Variants in STXBP5L observed in about 807,000 individuals in gnomAD.
The protein encoded by STXBP5L is syntaxin binding protein 5L, also known as syntaxin-binding protein 5-like.
STXBP5L carries 65 observed loss-of-function variants against 144.5 expected under a neutral mutation model. The ratio of observed to expected loss-of-function variants is 0.45; its 90% CI spans 0.37 to 0.55. The LOEUF is 0.55. Among genes scored for constraint, STXBP5L ranks in the 20% least tolerant of loss-of-function variants. The pLI, the probability that STXBP5L is intolerant of heterozygous loss-of-function variation, is 0.00. For missense variants in STXBP5L, 1,298 were observed against 1,405.5 expected (o/e 0.92, Z 1.22); for synonymous variants, 505 against 469.6 (o/e 1.08, Z -0.97).
At chr3:120,980,892 G>A (rs942685654) in intron 3 of STXBP5L, among the ~76,000 whole-genome samples, 5 of 152,044 alleles carry the variant, frequency 3.3e-5, no homozygotes, top group African/African-American at 1.2e-4. Context: ...TGTATAGCTG[G>A]TCTAGTAGTG....
At chr3:121,049,298 C>A (rs1019774461) in intron 5 of STXBP5L, among the ~76,000 whole-genome samples, 1 of 152,148 alleles carries the variant, frequency 6.6e-6, no homozygotes, top group Non-Finnish European at 1.5e-5. Flanking sequence ...GCCTTTCCCA[C>A]TGAGAGCTCT....
In STXBP5L at chr3:120,975,639, C is replaced by T. The variant is rs1940892703; in HGVS notation, c.287+20602C>T. Among the ~76,000 whole-genome samples the T allele has an allele frequency of 2.6e-5, 4 of 152,278 alleles. No homozygotes were observed. In the South Asian group the frequency reaches 8.3e-4, roughly 32 times the overall value. On this transcript the variant is annotated intron_variant, in intron 3 of 26. Coordinates refer to ENST00000471454, the MANE Select transcript of STXBP5L (RefSeq NM_001308330.2). Reference sequence around the variant, plus strand: ...CTTGTGCCAGTTTTCAAAGGGAATGCTTCCAGTTTTTGCCCATTCAGTACG... The same window carrying T: ...CTTGTGCCAGTTTTCAAAGGGAATGTTTCCAGTTTTTGCCCATTCAGTACG...
At chr3:121,006,549 C>T (rs1944325465) in intron 3 of STXBP5L, among the ~76,000 whole-genome samples, 1 of 152,136 alleles carries the variant, frequency 6.6e-6, no homozygotes, top group Non-Finnish European at 1.5e-5. Context: ...AGCCCATTTA[C>T]ATTTAAGGTT....
In STXBP5L at chr3:121,206,001, G is replaced by A; in HGVS notation, c.956G>A (p.Ser319Asn). 2 of 1,492,818 alleles carry A rather than the reference G, an allele frequency of 1.3e-6. No homozygotes were observed. The highest frequency in any genetic ancestry group is 2.6e-5 in the East Asian group (1 of 39,022). 92.5% of individuals were successfully genotyped at this position (1,492,818 alleles called of 1,614,324 possible). A position where few individuals can be genotyped will look rare whatever the true frequency, so the allele number is the denominator to read the frequency against. ...LKVEYKTCKN[S>N]EPFIIFSGGL... ...GTAGAATACAAGACCTGCAAAAACA[G>A]GTATGCATTTTTACTTTAGGGAAAG... The change falls in exon 10 of 27, where the codon AGC (serine) becomes AAC (asparagine). Residue 319 changes from serine (S) to asparagine (N), a missense_variant and splice_region_variant. Transcript: ENST00000471454.
intron 10 of STXBP5L, among the ~76,000 whole-genome samples, chr3:121,210,277 AGTT>A (rs993154754): frequency 1.1e-4 from 16 of 151,776 alleles, no homozygotes; most frequent in Admixed American, 8.5e-4. Context: ...TTTTTGATGG[AGTT>A]GTTTGTTTTT....
intron 20 of STXBP5L, among the ~76,000 whole-genome samples, chr3:121,374,032 A>G (rs1433795879): frequency 6.6e-6 from 1 of 152,120 alleles, no homozygotes; most frequent in African/African-American, 2.4e-5. Context: ...TGTGCCCCCC[A>G]GGGAACCAAG....
chr3:121,356,151 C>T (rs78107700), intron 20 of STXBP5L, among the ~76,000 whole-genome samples: 2,215 of 152,322 alleles, frequency 0.015, 56 homozygotes, highest in African/African-American at 0.05. Flanking sequence ...CAGGTGTCAG[C>T]GACACACTTA....
At chr3:121,052,201 A>G (rs1238762791) in intron 5 of STXBP5L, among the ~76,000 whole-genome samples, 2 of 152,208 alleles carry the variant, frequency 1.3e-5, no homozygotes. Context: ...AATCAATAGA[A>G]AAAGAGGGAA....
At chr3:121,079,926 A>ATTATT (rs1377808950) in intron 5 of STXBP5L, among the ~76,000 whole-genome samples, 2 of 152,210 alleles carry the variant, frequency 1.3e-5, no homozygotes, top group Non-Finnish European at 2.9e-5. Context: ...GGAGTATTGA[A>ATTATT]GTGCCCCACT....
intron 5 of STXBP5L, among the ~76,000 whole-genome samples, chr3:121,060,929 A>G (rs2041243021): frequency 6.6e-6 from 1 of 151,882 alleles, no homozygotes; most frequent in South Asian, 2.1e-4. Context: ...CAGCTCCTGG[A>G]TTTATTGATT....
At chr3:121,243,413 C>A (rs1424232706) in intron 14 of STXBP5L, among the ~76,000 whole-genome samples, 1 of 152,148 alleles carries the variant, frequency 6.6e-6, no homozygotes, top group Non-Finnish European at 1.5e-5. Context: ...AGAATGTCTA[C>A]CTGGGCTGAT....
At chr3:121,280,792 T>A (rs2051032726) in intron 19 of STXBP5L, among the ~76,000 whole-genome samples, 1 of 151,718 alleles carries the variant, frequency 6.6e-6, no homozygotes, top group South Asian at 2.1e-4. Flanking sequence ...TCTTCTACTT[T>A]GGGCCAGATA....
intron 16 of STXBP5L, among the ~76,000 whole-genome samples, chr3:121,255,487 A>G (rs2050174993): frequency 6.6e-6 from 1 of 152,018 alleles, no homozygotes; most frequent in South Asian, 2.1e-4. Context: ...CTATGTATAT[A>G]TTGTGGAATA....
intron 20 of STXBP5L, among the ~76,000 whole-genome samples, chr3:121,327,451 T>G (rs918688031): frequency 6.6e-6 from 1 of 152,158 alleles, no homozygotes; most frequent in Non-Finnish European, 1.5e-5. Context: ...CATCATCTGA[T>G]CTTTAGGCCA....
At chr3:121,273,841 T>G (rs1045662621) in intron 18 of STXBP5L, among the ~76,000 whole-genome samples, 6 of 152,072 alleles carry the variant, frequency 3.9e-5, no homozygotes, top group Admixed American at 2.0e-4. Context: ...ACTGCATTTT[T>G]TCTTTCATTC....
chr3:121,029,631 C>T lies in STXBP5L; in HGVS notation c.288-12069C>T, dbSNP rs574789619. On this transcript the variant is annotated intron_variant, in intron 3 of 26. Coordinates refer to ENST00000471454, the MANE Select transcript of STXBP5L (RefSeq NM_001308330.2). ...AGGACATAGGCATGGGCAAAGTCTT[C>T]GTGACTAGAATACCAAAAGCAATGG... Among the ~76,000 whole-genome samples, 7 of 152,162 alleles carry T rather than the reference C, an allele frequency of 4.6e-5. No homozygotes were observed. In the East Asian group the frequency reaches 1.2e-3, roughly 25 times the overall value.
intron 24 of STXBP5L, among the ~76,000 whole-genome samples, chr3:121,415,231 C>T (rs934870973): frequency 5.9e-5 from 9 of 152,050 alleles, no homozygotes; most frequent in Non-Finnish European, 1.0e-4. Context: ...ATGTAGATAA[C>T]GAGAGTACAT....
At chr3:121,074,344 T>C (rs7627802) in intron 5 of STXBP5L, among the ~76,000 whole-genome samples, 15,118 of 152,260 alleles carry the variant, frequency 0.099, 1,184 homozygotes, top group Admixed American at 0.2. Context: ...ACTTTATTTA[T>C]GGCCCGCAAA....
chr3:121,194,842 A>C (rs1455434334), intron 9 of STXBP5L, among the ~76,000 whole-genome samples: 1 of 151,192 alleles, frequency 6.6e-6, no homozygotes, highest in Non-Finnish European at 1.5e-5. Flanking sequence ...GATTTGTTGG[A>C]ATATTGTTAT....
Sources: gnomAD v4.1 joint callset for allele counts (sites outside exome capture counted in the v4.1 genomes callset) on GRCh38, gnomAD v4.1.1 for gene constraint, MANE v1.5 for transcripts, NCBI Gene and HGNC (gene_info 2026-07-23, HGNC 2026-07-21) for gene names.